The following TADA2A variants were observed in gnomAD, a reference collection of about 807,000 sequenced individuals.
The protein encoded by TADA2A is transcriptional adapter 2-alpha.
In TADA2A, 38 loss-of-function variants were observed where a neutral mutation model predicts 67.4. That is an observed-to-expected ratio of 0.56 (90% CI 0.44 to 0.74). The LOEUF (loss-of-function observed/expected upper bound fraction) is 0.74. Among genes scored for constraint, TADA2A ranks in the 30% least tolerant of loss-of-function variants. TADA2A has a pLI of 0.00. For synonymous variants in TADA2A, 192 were observed against 181.6 expected (o/e 1.06, Z -0.46); for missense variants, 454 against 547.0 (o/e 0.83, Z 1.70).
chr17:37,476,984 G>A lies in TADA2A; in HGVS notation c.*2G>A, dbSNP rs1568190522. The A allele has an allele frequency of 1.2e-6, 2 of 1,600,080 alleles. No individual in the cohort carries two copies. The highest frequency in any genetic ancestry group is 2.2e-5 in the South Asian group (2 of 90,244). On this transcript the variant is annotated 3_prime_UTR_variant, in exon 16 of 16. Transcript: ENST00000615182. ...GAAGGATACATCACTAAAGGCTAAGGCTCCAAGAGCTTGGGATCAGAAGTC... is the reference window on the plus strand; with the variant it reads ...GAAGGATACATCACTAAAGGCTAAGACTCCAAGAGCTTGGGATCAGAAGTC...
chr17:37,444,445 G>A (rs1372113971), intron 7 of TADA2A, among the ~76,000 whole-genome samples: 2 of 152,110 alleles, frequency 1.3e-5, no homozygotes, highest in African/African-American at 4.8e-5. Flanking sequence ...TTTTAGAGCA[G>A]TATGTTTAGC....
At chr17:37,444,581 T>C (rs763522978) in intron 7 of TADA2A, 115 bp from the exon 8 acceptor site, 10 of 890,576 alleles carry the variant, frequency 1.1e-5, no homozygotes, top group Non-Finnish European at 7.1e-6. Context: ...ATTTAGACTT[T>C]TTAAACAACT....
At chr17:37,448,232 C>T (rs529104724) in intron 8 of TADA2A, among the ~76,000 whole-genome samples, 1 of 152,200 alleles carries the variant, frequency 6.6e-6, no homozygotes, top group East Asian at 1.9e-4. Context: ...AGACCTTTTC[C>T]TCACCCACAC....
At chr17:37,421,117 A>G (rs1188918555) in intron 2 of TADA2A, among the ~76,000 whole-genome samples, 1 of 147,012 alleles carries the variant, frequency 6.8e-6, no homozygotes, top group East Asian at 2.1e-4. Context: ...ACTCAGAGCC[A>G]GGTGTGGTGG....
intron 1 of TADA2A, among the ~76,000 whole-genome samples, chr17:37,407,722 C>G (rs535038242): frequency 6.6e-6 from 1 of 151,898 alleles, no homozygotes; most frequent in Non-Finnish European, 1.5e-5. Context: ...AAGCGATTCT[C>G]GTGCCTGAGG....
At chr17:37,440,312 T>C (rs2052874871) in intron 5 of TADA2A, among the ~76,000 whole-genome samples, 193 bp from the exon 6 acceptor site, 1 of 152,158 alleles carries the variant, frequency 6.6e-6, no homozygotes, top group South Asian at 2.1e-4. Context: ...ACTAGCAAGA[T>C]ATGGAACACC....
intron 5 of TADA2A, among the ~76,000 whole-genome samples, chr17:37,438,397 G>A (rs2147963026): frequency 6.6e-6 from 1 of 152,212 alleles, no homozygotes; most frequent in Admixed American, 6.5e-5. Context: ...ACTTTCATAT[G>A]GATGCTTTTA....
intron 4 of TADA2A, among the ~76,000 whole-genome samples, chr17:37,428,695 C>T (rs2147938622): frequency 6.6e-6 from 1 of 152,304 alleles, no homozygotes; most frequent in Admixed American, 6.5e-5. Context: ...TATCCTATCT[C>T]AGCCACCTGA....
chr17:37,438,765 T>A (rs182017874), intron 5 of TADA2A, among the ~76,000 whole-genome samples: 1 of 152,352 alleles, frequency 6.6e-6, no homozygotes, highest in East Asian at 1.9e-4. Context: ...GCTAGTCATC[T>A]TTGGCCTAGT....
At chr17:37,410,222 T>A (rs1381020174) in intron 1 of TADA2A, among the ~76,000 whole-genome samples, 1 of 151,506 alleles carries the variant, frequency 6.6e-6, no homozygotes, top group Non-Finnish European at 1.5e-5. Context: ...ACTTAGTCTG[T>A]CCTCCAAGCT....
chr17:37,476,517 A>G (rs1001814405), intron 15 of TADA2A, among the ~76,000 whole-genome samples: 3 of 152,260 alleles, frequency 2.0e-5, no homozygotes, highest in African/African-American at 2.4e-5. Flanking sequence ...TCAGGAGCAC[A>G]TAGTTGTAAA....
rs552987404 is a variant in TADA2A at position 37,429,269 on chromosome 17, T to C, written c.192+2260T>C. On this transcript the variant is annotated intron_variant, in intron 4 of 15. Coordinates refer to ENST00000615182, the MANE Select transcript of TADA2A (RefSeq NM_001166105.3). ...AACTATGTATAAGGACTCATGTGGA[T>C]TACATTGGGCCTATCAGGGTAATCC... 5.9e-5 allele frequency among the ~76,000 whole-genome samples: 9 copies of C among 151,980 alleles called. No individual in the cohort carries two copies. In the East Asian group the frequency reaches 1.6e-3, roughly 26 times the overall value.
chr17:37,449,661 C>T (rs2053179070), intron 8 of TADA2A, among the ~76,000 whole-genome samples: 1 of 150,866 alleles, frequency 6.6e-6, no homozygotes, highest in South Asian at 2.1e-4. Context: ...GCCCTGTTGC[C>T]CATGCTGGAG....
chr17:37,437,109 G>A (rs945689570), intron 4 of TADA2A, among the ~76,000 whole-genome samples: 5 of 147,020 alleles, frequency 3.4e-5, no homozygotes, highest in Admixed American at 2.0e-4. Context: ...TTTTTGAAAC[G>A]GAGTCTTGCT....
At chr17:37,474,118 C>T (rs2053846357) in intron 14 of TADA2A, among the ~76,000 whole-genome samples, 1 of 152,152 alleles carries the variant, frequency 6.6e-6, no homozygotes, top group East Asian at 1.9e-4. Flanking sequence ...ATATGCCTGT[C>T]TTCCCAGGTA....
chr17:37,432,258 G>A (rs576924522), intron 4 of TADA2A, among the ~76,000 whole-genome samples: 6 of 152,018 alleles, frequency 3.9e-5, no homozygotes, highest in African/African-American at 1.2e-4. Context: ...TCCGCCTCCC[G>A]GGTTCAAGCA....
At chr17:37,440,711 C>A in intron 6 of TADA2A, 49 bp downstream of exon 6, 1 of 1,602,216 alleles carries the variant, frequency 6.2e-7, no homozygotes, top group Non-Finnish European at 8.5e-7. Context: ...ATCCTTGGGC[C>A]CTGTTTCAGT....
intron 15 of TADA2A, among the ~76,000 whole-genome samples, chr17:37,475,456 G>A (rs779025442): frequency 5.9e-4 from 89 of 151,126 alleles, no homozygotes; most frequent in Admixed American, 1.3e-3. Flanking sequence ...GATTACAGGC[G>A]TGAGCCACCT....
intron 7 of TADA2A, among the ~76,000 whole-genome samples, chr17:37,443,820 T>G (rs929794018): frequency 3.9e-5 from 6 of 152,194 alleles, no homozygotes; most frequent in Admixed American, 3.3e-4. Flanking sequence ...CTGTACTATA[T>G]CCACAAGTAT....
Sources: allele counts gnomAD v4.1 joint callset (sites outside exome capture counted in the v4.1 genomes callset), GRCh38; gene constraint gnomAD v4.1.1; transcripts MANE v1.5; gene names NCBI Gene and HGNC (gene_info 2026-07-23, HGNC 2026-07-21).